OAS1: variants seen among roughly 807,000 people sequenced by gnomAD.
OAS1 encodes 2'-5'-oligoadenylate synthase 1.
In OAS1, 24 loss-of-function variants were observed where a neutral mutation model predicts 38.5. That is an observed-to-expected ratio of 0.62 (90% CI 0.45 to 0.88). The LOEUF is 0.88. Among genes scored for constraint, OAS1 ranks in the 40% least tolerant of loss-of-function variants. OAS1 has a pLI of 0.00. For synonymous variants in OAS1, 169 were observed against 193.9 expected (o/e 0.87, Z 1.07); for missense variants, 482 against 493.9 (o/e 0.98, Z 0.23).
At chr12:112,918,251 T>C (rs918733738) in intron 5 of OAS1, 2 of 188,332 alleles carry the variant, frequency 1.1e-5, no homozygotes, top group African/African-American at 4.8e-5. Flanking sequence ...CTTTAGCAGA[T>C]GTTAAGTATT....
chr12:112,919,693 A>G lies in OAS1; in HGVS notation c.*140A>G. 1 of 1,548,632 alleles carries G rather than the reference A, an allele frequency of 6.5e-7. No individual in the cohort carries two copies. The highest frequency in any genetic ancestry group is 1.2e-5 in the South Asian group (1 of 84,206). On this transcript the variant is annotated 3_prime_UTR_variant, in exon 6 of 6. Coordinates refer to ENST00000202917, the MANE Select transcript of OAS1 (RefSeq NM_016816.4). Reference sequence around the variant, plus strand: ...TCCAGGACAGAACCCAGGTCTCCTGACTCCTGGCCTTCTATGCCCTCTATC... The same window carrying G: ...TCCAGGACAGAACCCAGGTCTCCTGGCTCCTGGCCTTCTATGCCCTCTATC...
chr12:112,907,196 G>C lies in OAS1; in HGVS notation c.157G>C (p.Val53Leu). 1 of 1,613,944 alleles carries C rather than the reference G, an allele frequency of 6.2e-7. No homozygotes were observed. The highest frequency in any genetic ancestry group is 1.7e-5 in the Admixed American group (1 of 60,024). ...GTGCTTCCGAGGTAGCTCCTACCCT[G>C]TGTGTGTGTCCAAGGTGGTAAAGGT... ...ERCFRGSSYPVCVSKVVKGGS... is the reference protein window; with the variant it reads ...ERCFRGSSYPLCVSKVVKGGS... Residue 53 changes from valine (V) to leucine (L), a missense_variant, in exon 1 of 6, where the codon GTG becomes CTG. Val to Leu is a conservative substitution (Grantham distance 32). Coordinates refer to ENST00000202917, the MANE Select transcript of OAS1 (RefSeq NM_016816.4).
chr12:112,932,160 T>C, downstream of OAS1: 1 of 453,994 alleles, frequency 2.2e-6, no homozygotes, highest in Admixed American at 4.0e-5. Flanking sequence ...CCCTGTCTCC[T>C]TCTCTCTCTC....
At chr12:112,917,928 A>C (rs973964029) in intron 5 of OAS1, 2 of 1,436,980 alleles carry the variant, frequency 1.4e-6, no homozygotes, top group Non-Finnish European at 1.8e-6. Flanking sequence ...AAGAGTAATA[A>C]TAAATAATCT....
In OAS1 at chr12:112,927,003, C is replaced by G. The variant is rs369682582; in HGVS notation, c.1168-4875C>G. Among the ~76,000 whole-genome samples the G allele has an allele frequency of 3.8e-4, 58 of 152,356 alleles. 1 individual carries two copies. Among genetic ancestry groups the G allele is most frequent in the African/African-American group, 1.3e-3 (54 of 41,584 alleles). On this transcript the variant is annotated intron_variant, in intron 6 of 6. Transcript: ENST00000540589. ...TTTTGGTAATAAGAGAAATATGGCT[C>G]TGTCTTGCCTGGCTCCCAGGCAGTC...
intron 3 of OAS1, among the ~76,000 whole-genome samples, chr12:112,915,430 A>G (rs2043442439): frequency 6.6e-6 from 1 of 152,062 alleles, no homozygotes; most frequent in African/African-American, 2.4e-5. Context: ...GTTGGCTGTA[A>G]GTGTTTGGCT....
chr12:112,927,223 G>A (rs1468561152), intron 6 of OAS1, among the ~76,000 whole-genome samples: 1 of 152,314 alleles, frequency 6.6e-6, no homozygotes, highest in East Asian at 1.9e-4. Context: ...ATTAAAGACA[G>A]ACATAGGAAA....
At chr12:112,919,938 C>A, downstream of OAS1, 1 of 496,054 alleles carries the variant, frequency 2.0e-6, no homozygotes, top group Non-Finnish European at 3.6e-6. Flanking sequence ...AGGCACAGAG[C>A]CAAGAAGTAC....
intron 4 of OAS1, among the ~76,000 whole-genome samples, chr12:112,917,316 G>A (rs1185621355): frequency 6.6e-6 from 1 of 152,174 alleles, no homozygotes; most frequent in Non-Finnish European, 1.5e-5. Flanking sequence ...CTGATAAAGG[G>A]CAGAGGTGGG....
chr12:112,916,361 A>C, intron 3 of OAS1, 148 bp from the exon 4 acceptor site: 1 of 639,636 alleles, frequency 1.6e-6, no homozygotes, highest in Non-Finnish European at 2.7e-6. Flanking sequence ...GAATGCAGTC[A>C]TAAACTATAC....
chr12:112,921,110 C>A (rs1440977072), downstream of OAS1, among the ~76,000 whole-genome samples: 1 of 152,234 alleles, frequency 6.6e-6, no homozygotes, highest in African/African-American at 2.4e-5. Context: ...AACCTGAGCA[C>A]AGATTCACCC....
chr12:112,917,202 C>A (rs2136320016), intron 4 of OAS1, among the ~76,000 whole-genome samples: 1 of 152,232 alleles, frequency 6.6e-6, no homozygotes, highest in East Asian at 1.9e-4. Flanking sequence ...CTTTTTCTAT[C>A]CTCACAGCAT....
In OAS1 at chr12:112,916,640, C is replaced by T. The variant is rs1294792590; in HGVS notation, c.786C>T (p.Val262=). The part of the protein sequence containing the change: ...AQGFRTVLEL[V]INYQQLCIYW... ...GATTTCGGACGGTCTTGGAATTAGTCATAAACTACCAGCAACTCTGCATCT... is the reference window on the plus strand; with the variant it reads ...GATTTCGGACGGTCTTGGAATTAGTTATAAACTACCAGCAACTCTGCATCT... The change falls in exon 4 of 6, where the codon GTC becomes GTT. Residue 262 remains valine, a synonymous_variant. Coordinates refer to ENST00000202917, the MANE Select transcript of OAS1 (RefSeq NM_016816.4). The T allele has an allele frequency of 6.8e-6, 11 of 1,614,116 alleles. 1 individual carries two copies. Among genetic ancestry groups the T allele is most frequent in the East Asian group, 2.2e-5 (1 of 44,880 alleles).
Position 112,919,631 on chromosome 12 carries a change from C to A in OAS1, c.*78C>A. On this transcript the variant is annotated 3_prime_UTR_variant, in exon 6 of 6. Transcript: ENST00000202917. ...TCATTTTCAGGTGGGACTCTTGATC[C>A]AGAGAGGACAAAGCTCCTCAGTGAG... is the stretch of plus-strand genomic sequence containing the variant. 1 of 1,610,026 alleles carries A rather than the reference C, an allele frequency of 6.2e-7. No individual in the cohort carries two copies. Among genetic ancestry groups the A allele is most frequent in the Non-Finnish European group, 8.5e-7 (1 of 1,178,094 alleles).
intron 5 of OAS1, chr12:112,918,961 G>A (rs529369401): frequency 3.2e-4 from 81 of 255,038 alleles, no homozygotes; most frequent in African/African-American, 1.5e-3. Flanking sequence ...AGCACTCAGG[G>A]AAAGGGGGGA....
At chr12:112,912,022 C>T (rs186397892) in intron 3 of OAS1, among the ~76,000 whole-genome samples, 15 of 152,276 alleles carry the variant, frequency 9.9e-5, no homozygotes, top group Admixed American at 5.9e-4. Context: ...ATGGCTCATT[C>T]GGCCAATAAG....
At chr12:112,909,931 T>G (rs1438599282) in intron 2 of OAS1, among the ~76,000 whole-genome samples, 1 of 152,082 alleles carries the variant, frequency 6.6e-6, no homozygotes, top group Non-Finnish European at 1.5e-5. Context: ...TTAAAGGAAC[T>G]GTCACAGTTT....
Position 112,916,737 on chromosome 12 carries a change from A to G in OAS1, c.883A>G (p.Arg295Gly), listed in dbSNP as rs533280932. Residue 295 changes from arginine to glycine, a missense_variant and splice_region_variant, in exon 4 of 6, where the codon AGG becomes GGG. Transcript: ENST00000202917. ...KYLRRQLTKPRPVILDPADPT... is the reference protein window; with the variant it reads ...KYLRRQLTKPGPVILDPADPT... Reference sequence around the variant, plus strand: ...CCTGAGAAGGCAGCTCACGAAACCCAGGTATGCTATCCCCACATGGCTTAG... The same window carrying G: ...CCTGAGAAGGCAGCTCACGAAACCCGGGTATGCTATCCCCACATGGCTTAG... The G allele has an allele frequency of 3.1e-6, 5 of 1,610,676 alleles. No individual in the cohort carries two copies. The highest frequency in any genetic ancestry group is 3.4e-6 in the Non-Finnish European group (4 of 1,176,938).
intron 1 of OAS1, chr12:112,907,710 C>T (rs964931869): frequency 1.9e-5 from 3 of 154,170 alleles, no homozygotes; most frequent in African/African-American, 7.2e-5. Flanking sequence ...TGCCAGTGCA[C>T]CTTAATGTAG....
Sources: allele counts gnomAD v4.1 joint callset (sites outside exome capture counted in the v4.1 genomes callset), GRCh38; gene constraint gnomAD v4.1.1; transcripts MANE v1.5; gene names NCBI Gene and HGNC (gene_info 2026-07-23, HGNC 2026-07-21).